The following DRC11 variants were observed in gnomAD, a reference collection of about 807,000 sequenced individuals.
DRC11 encodes the protein dynein regulatory complex subunit 11.
chr2:236,355,559 C>T, the DRC11 span, among the ~76,000 whole-genome samples: 62 of 152,276 alleles, frequency 4.1e-4, no homozygotes, highest in East Asian at 9.9e-3. Flanking sequence ...GCACTGGAGC[C>T]GCTAAATCCT....
the DRC11 span, among the ~76,000 whole-genome samples, chr2:236,350,737 C>G: frequency 6.6e-6 from 1 of 152,214 alleles, no homozygotes; most frequent in African/African-American, 2.4e-5. The surrounding 1 kb of genome is among the most constrained non-coding windows in gnomAD (Gnocchi z 5.2). Flanking sequence ...TGACCTGTAC[C>G]GCTACCTGAT....
the DRC11 span, among the ~76,000 whole-genome samples, chr2:236,358,883 T>C: frequency 1.5e-4 from 22 of 149,950 alleles, no homozygotes; most frequent in African/African-American, 5.2e-4. Context: ...CGGCTCCGCA[T>C]GCCCCACCCT....
chr2:236,368,998 T>C, the DRC11 span: 1 of 152,194 alleles, frequency 6.6e-6, no homozygotes, highest in African/African-American at 2.4e-5. Flanking sequence ...ACCAAGAAAA[T>C]TAGTTTGGCT....
At chr2:236,429,935 G>A in the DRC11 span, among the ~76,000 whole-genome samples, 4,843 of 152,226 alleles carry the variant, frequency 0.032, 122 homozygotes, top group Middle Eastern at 0.11. The surrounding 1 kb of genome is among the most constrained non-coding windows in gnomAD (Gnocchi z 5.9). Flanking sequence ...TGCAGAATAT[G>A]CTGTTGGGGT....
chr2:236,499,030 C>T, the DRC11 span, among the ~76,000 whole-genome samples: 1 of 152,160 alleles, frequency 6.6e-6, no homozygotes, highest in Admixed American at 6.5e-5. The surrounding 1 kb of genome is among the most constrained non-coding windows in gnomAD (Gnocchi z 4.7). Context: ...TTTCCCTATG[C>T]TAAGGGGAGG....
the DRC11 span, among the ~76,000 whole-genome samples, chr2:236,434,286 T>A: frequency 6.6e-6 from 1 of 152,234 alleles, no homozygotes; most frequent in Non-Finnish European, 1.5e-5. This position sits in a 1 kb window ranked among gnomAD's most constrained non-coding sequence, Gnocchi z 5.5. Context: ...TGTATTATTT[T>A]TGTTTTATTA....
At chr2:236,314,812 G>A in the DRC11 span, among the ~76,000 whole-genome samples, 1 of 152,120 alleles carries the variant, frequency 6.6e-6, no homozygotes, top group African/African-American at 2.4e-5. The surrounding 1 kb of genome is among the most constrained non-coding windows in gnomAD (Gnocchi z 4.5). Context: ...GCTAAAACAA[G>A]TGCTGGGAAA....
the DRC11 span, among the ~76,000 whole-genome samples, chr2:236,432,878 A>G: frequency 6.6e-6 from 1 of 151,930 alleles, no homozygotes; most frequent in African/African-American, 2.4e-5. Context: ...AGCTTCTTCT[A>G]GTCCTTTTGT....
the DRC11 span, among the ~76,000 whole-genome samples, chr2:236,340,138 C>T: frequency 2.0e-5 from 3 of 152,154 alleles, no homozygotes; most frequent in Non-Finnish European, 4.4e-5. Context: ...AGAACAATTT[C>T]TTTTATTTTT....
At chr2:236,393,353 C>T in the DRC11 span, among the ~76,000 whole-genome samples, 1 of 152,108 alleles carries the variant, frequency 6.6e-6, no homozygotes, top group Non-Finnish European at 1.5e-5. This position sits in a 1 kb window ranked among gnomAD's most constrained non-coding sequence, Gnocchi z 4.7. Flanking sequence ...GCAGAGGCTG[C>T]AGGCCTCCAA....
chr2:236,497,742 C>T, the DRC11 span, among the ~76,000 whole-genome samples: 1 of 152,114 alleles, frequency 6.6e-6, no homozygotes, highest in Admixed American at 6.5e-5. This position sits in a 1 kb window ranked among gnomAD's most constrained non-coding sequence, Gnocchi z 5.1. Flanking sequence ...TAAAGTTGTT[C>T]CTCACTTGGC....
the DRC11 span, among the ~76,000 whole-genome samples, chr2:236,440,766 C>G: frequency 3.9e-5 from 6 of 152,042 alleles, no homozygotes; most frequent in African/African-American, 1.4e-4. Flanking sequence ...GACCAGAACA[C>G]AAAGGGCTCC....
chr2:236,502,698 T>A, the DRC11 span, among the ~76,000 whole-genome samples: 2 of 150,584 alleles, frequency 1.3e-5, no homozygotes, highest in Non-Finnish European at 2.9e-5. Context: ...CCACATGAAA[T>A]CTAGCTAAAG....
the DRC11 span, among the ~76,000 whole-genome samples, chr2:236,354,650 TTTGAATGCTCGTGGCATCAAACCC>T: frequency 6.6e-6 from 1 of 152,140 alleles, no homozygotes; most frequent in Non-Finnish European, 1.5e-5. Flanking sequence ...GCCTAAACAT[TTTGAATGCTCGTGGCATCAAACCC>T]TGGTCCCGCC....
the DRC11 span, among the ~76,000 whole-genome samples, chr2:236,502,275 A>T: frequency 6.6e-6 from 1 of 152,134 alleles, no homozygotes; most frequent in Non-Finnish European, 1.5e-5. Context: ...AGTAACAAAA[A>T]TACATCAATT....
the DRC11 span, chr2:236,441,193 G>T: frequency 1.9e-6 from 2 of 1,056,528 alleles, no homozygotes; most frequent in Non-Finnish European, 2.9e-6. Flanking sequence ...CCATTTATTT[G>T]CTTATGTTCA....
At chr2:236,446,946 C>T in the DRC11 span, among the ~76,000 whole-genome samples, 1 of 151,830 alleles carries the variant, frequency 6.6e-6, no homozygotes, top group African/African-American at 2.4e-5. The surrounding 1 kb of genome is among the most constrained non-coding windows in gnomAD (Gnocchi z 6.2). Flanking sequence ...CATCTCCCAC[C>T]TCATGCTCCT....
At chr2:236,355,370 C>G in the DRC11 span, among the ~76,000 whole-genome samples, 1 of 152,224 alleles carries the variant, frequency 6.6e-6, no homozygotes, top group Non-Finnish European at 1.5e-5. Context: ...TTGCCAGGAA[C>G]CGAAAACTGC....
the DRC11 span, among the ~76,000 whole-genome samples, chr2:236,484,112 G>A: frequency 2.9e-3 from 444 of 152,182 alleles, 1 homozygote; most frequent in African/African-American, 9.6e-3. Context: ...TTAAAATGTC[G>A]TATTTGTTTT....
Sources: gnomAD v4.1 joint callset for allele counts (sites outside exome capture counted in the v4.1 genomes callset) on GRCh38, gnomAD v4.1.1 for gene constraint, Gnocchi (gnomAD v3.1) non-coding constraint, MANE v1.5 for transcripts, NCBI Gene and HGNC (gene_info 2026-07-23, HGNC 2026-07-21) for gene names.